The following KCNN2 variants were observed in gnomAD, a reference collection of about 807,000 sequenced individuals.
The protein encoded by KCNN2 is potassium calcium-activated channel subfamily N member 2.
A neutral mutation model predicts 55.5 loss-of-function variants in KCNN2; 24 were observed. The observed-to-expected ratio is 0.43, with a 90% CI of 0.31 to 0.61. The LOEUF (loss-of-function observed/expected upper bound fraction) is 0.61. KCNN2 is among the 20% of genes least tolerant of loss of function. KCNN2 has a pLI of 0.08. For synonymous variants in KCNN2, 431 were observed against 336.1 expected (o/e 1.28, Z -3.09); for missense variants, 754 against 853.6 (o/e 0.88, Z 1.45).
intron 2 of KCNN2, among the ~76,000 whole-genome samples, chr5:114,400,433 C>T (rs1295471358): frequency 1.3e-5 from 2 of 152,234 alleles, no homozygotes; most frequent in Non-Finnish European, 2.9e-5. Context: ...CTTCCTTCCA[C>T]AACTGCCCCT....
At chr5:114,298,221 C>G (rs1174274406) in intron 2 of KCNN2, among the ~76,000 whole-genome samples, 1 of 152,178 alleles carries the variant, frequency 6.6e-6, no homozygotes, top group East Asian at 1.9e-4. Context: ...CAAAAGATGC[C>G]ACTTACTGCA....
intron 1 of KCNN2, among the ~76,000 whole-genome samples, chr5:114,073,075 G>A (rs570328162): frequency 1.1e-4 from 16 of 152,140 alleles, no homozygotes; most frequent in East Asian, 3.9e-4. Flanking sequence ...CTGATATGCC[G>A]TATTTGTTAT....
intron 1 of KCNN2, among the ~76,000 whole-genome samples, chr5:114,067,578 G>A (rs1210817885): frequency 2.6e-5 from 4 of 151,772 alleles, no homozygotes; most frequent in African/African-American, 9.7e-5. Flanking sequence ...TAAGATTCTA[G>A]TCAGAATTAT....
chr5:114,133,945 T>G (rs1341796784), intron 1 of KCNN2, among the ~76,000 whole-genome samples: 4 of 152,230 alleles, frequency 2.6e-5, no homozygotes, highest in African/African-American at 9.6e-5. Flanking sequence ...TTTAATTTGG[T>G]CTTTTGAACC....
At chr5:114,121,725 C>T (rs984277524) in intron 1 of KCNN2, among the ~76,000 whole-genome samples, 1 of 152,218 alleles carries the variant, frequency 6.6e-6, no homozygotes, top group South Asian at 2.1e-4. Context: ...CTGATATCCT[C>T]TCTTGCCTCT....
Position 114,487,041 on chromosome 5 carries a change from T to A in KCNN2, c.1891-9T>A. 1 of 1,612,784 alleles carries A rather than the reference T, an allele frequency of 6.2e-7. No homozygotes were observed. The highest frequency in any genetic ancestry group is 8.5e-7 in the Non-Finnish European group (1 of 1,179,164). On this transcript the variant is annotated splice_polypyrimidine_tract_variant and intron_variant, in intron 5 of 7. Coordinates refer to ENST00000673685, the MANE Select transcript of KCNN2 (RefSeq NM_021614.4). ...AATTTATCAACTGCTTTGTTTGTTC[T>A]CTTAACAGGTAAAAAATGCAGCTGC...
chr5:114,219,178 G>A (rs1203717071), intron 1 of KCNN2, among the ~76,000 whole-genome samples: 1 of 152,192 alleles, frequency 6.6e-6, no homozygotes, highest in East Asian at 1.9e-4. Flanking sequence ...GCCCCAGAGG[G>A]CATGTGTTAC....
chr5:114,459,215 A>T (rs1227133056), intron 3 of KCNN2, among the ~76,000 whole-genome samples: 1 of 152,212 alleles, frequency 6.6e-6, no homozygotes, highest in African/African-American at 2.4e-5. Flanking sequence ...TTCATGCCAA[A>T]ACTCCAAAGT....
At position 114,454,055 on chromosome 5, in the gene KCNN2, C is replaced by T. The variant is rs771932758; in HGVS notation, c.1638-8994C>T. On this transcript the variant is annotated intron_variant, in intron 3 of 7. Coordinates refer to ENST00000673685, the MANE Select transcript of KCNN2 (RefSeq NM_021614.4). ...ATTCTCATTGTTGAACTCCCACTTA[C>T]GAGTGAGAACATGCGGTGTTTGGTT... Among the ~76,000 whole-genome samples the T allele has an allele frequency of 7.2e-5, 11 of 152,098 alleles. No individual in the cohort carries two copies. In the South Asian group the frequency reaches 8.3e-4, roughly 11 times the overall value.
chr5:114,454,088 C>T (rs1020233942), intron 3 of KCNN2, among the ~76,000 whole-genome samples: 19 of 152,208 alleles, frequency 1.2e-4, no homozygotes, highest in African/African-American at 4.6e-4. Flanking sequence ...GTTTTCTGTT[C>T]CCGTGTTAGT....
chr5:114,483,454 A>G (rs1399427833), intron 5 of KCNN2, among the ~76,000 whole-genome samples: 4 of 151,710 alleles, frequency 2.6e-5, no homozygotes, highest in Non-Finnish European at 5.9e-5. Flanking sequence ...TTGTATTTTT[A>G]GTAGAGATGG....
intron 1 of KCNN2, among the ~76,000 whole-genome samples, chr5:114,093,325 GC>G (rs1751188262): frequency 6.6e-6 from 1 of 152,148 alleles, no homozygotes; most frequent in Non-Finnish European, 1.5e-5. Context: ...CTCACTATCA[GC>G]ATTTTGGTCA....
chr5:114,429,974 C>T (rs189795259), intron 3 of KCNN2, among the ~76,000 whole-genome samples: 6 of 151,790 alleles, frequency 4.0e-5, no homozygotes, highest in Admixed American at 3.3e-4. Context: ...TATTCTGTTA[C>T]ATTGGTCTAT....
chr5:114,384,405 A>G (rs1758216404), intron 2 of KCNN2, among the ~76,000 whole-genome samples: 1 of 152,182 alleles, frequency 6.6e-6, no homozygotes, highest in Admixed American at 6.5e-5. Context: ...ACAGTGGTAG[A>G]ATAGAAGCCA....
At chr5:114,446,619 G>A (rs768561355) in intron 3 of KCNN2, among the ~76,000 whole-genome samples, 3 of 151,792 alleles carry the variant, frequency 2.0e-5, no homozygotes, top group African/African-American at 7.3e-5. Context: ...CTCTGTGCCC[G>A]GCTAATTTTT....
chr5:114,202,587 T>TTA (rs1753696126), intron 1 of KCNN2, among the ~76,000 whole-genome samples: 1 of 88,244 alleles, frequency 1.1e-5, no homozygotes, highest in Non-Finnish European at 2.3e-5. Flanking sequence ...ATATATATAT[T>TTA]TTTTTTTTTT....
intron 2 of KCNN2, among the ~76,000 whole-genome samples, chr5:114,236,470 G>C (rs780233057): frequency 6.6e-6 from 1 of 151,890 alleles, no homozygotes; most frequent in Non-Finnish European, 1.5e-5. Context: ...TCCACATATA[G>C]CTACTAAAAT....
chr5:114,217,887 C>A (rs555919796), intron 1 of KCNN2, among the ~76,000 whole-genome samples: 2 of 152,002 alleles, frequency 1.3e-5, no homozygotes. Context: ...ATACAAAGAA[C>A]TTAAAATTCA....
At chr5:114,181,491 C>T (rs1459957440) in intron 1 of KCNN2, among the ~76,000 whole-genome samples, 2 of 152,120 alleles carry the variant, frequency 1.3e-5, no homozygotes, top group Non-Finnish European at 2.9e-5. Context: ...ACATTCTGGA[C>T]AGCAGATATT....
Sources: allele counts gnomAD v4.1 joint callset (sites outside exome capture counted in the v4.1 genomes callset), GRCh38; gene constraint gnomAD v4.1.1; transcripts MANE v1.5; gene names NCBI Gene and HGNC (gene_info 2026-07-23, HGNC 2026-07-21).